CACNA1A: variants seen among roughly 807,000 people sequenced by gnomAD.
CACNA1A encodes calcium voltage-gated channel subunit alpha1 A.
A neutral mutation model predicts 262.4 loss-of-function variants in CACNA1A; 57 were observed. The observed-to-expected ratio is 0.22, with a 90% CI of 0.18 to 0.27. The LOEUF (loss-of-function observed/expected upper bound fraction) is 0.27, where lower values mean the gene tolerates loss of function less well. CACNA1A is among the 10% of genes least tolerant of loss of function. The pLI, the probability that CACNA1A is intolerant of heterozygous loss-of-function variation, is 1.00. For missense variants in CACNA1A, 2,526 were observed against 3,562.8 expected (o/e 0.71, Z 7.41); for synonymous variants, 1,431 against 1,419.3 (o/e 1.01, Z -0.18).
intron 1 of CACNA1A, among the ~76,000 whole-genome samples, chr19:13,480,372 A>G (rs1979129759): frequency 6.6e-6 from 1 of 152,110 alleles, no homozygotes; most frequent in Non-Finnish European, 1.5e-5. Flanking sequence ...CTTCCTTATG[A>G]TTTTCTTAAA....
intron 1 of CACNA1A, among the ~76,000 whole-genome samples, chr19:13,499,471 C>G (rs1427905681): frequency 1.3e-5 from 2 of 150,638 alleles, no homozygotes; most frequent in Non-Finnish European, 2.9e-5. Flanking sequence ...ACTTCGCTCC[C>G]ATTCCCACCC....
intron 38 of CACNA1A, among the ~76,000 whole-genome samples, chr19:13,219,558 G>C (rs2055143053): frequency 6.6e-6 from 1 of 152,092 alleles, no homozygotes. Flanking sequence ...AAGGAACTGT[G>C]GTAGGCAGAA....
At chr19:13,499,568 T>G (rs1982122942) in intron 1 of CACNA1A, among the ~76,000 whole-genome samples, 2 of 151,576 alleles carry the variant, frequency 1.3e-5, no homozygotes, top group South Asian at 4.2e-4. Context: ...CGTTTTGGGG[T>G]TTTTCTCTGT....
At chr19:13,359,229 G>A (rs1041691139) in intron 6 of CACNA1A, among the ~76,000 whole-genome samples, 1 of 152,168 alleles carries the variant, frequency 6.6e-6, no homozygotes, top group South Asian at 2.1e-4. Context: ...GAGAAGGACT[G>A]GGTGAGCCTC....
rs1443436958 is a variant in CACNA1A, at chr19:13,286,690, G to A, written c.3366C>T (p.Arg1122=). 2.5e-6 allele frequency: 4 copies of A among 1,575,162 alleles called. No individual in the cohort carries two copies. Among genetic ancestry groups the A allele is most frequent in the Non-Finnish European group, 3.4e-6 (4 of 1,159,722 alleles). Residue 1122 remains arginine, a synonymous_variant, in exon 20 of 47, where the codon CGC becomes CGT. Transcript: ENST00000360228. ...GGTTCCCCGGGTTGTTGGGCGTCCG[G>A]CGGCTGGCGGCGTTCTGGGGGTTGG... ...MATNPQNAAS[R]RTPNNPGNPS...
At chr19:13,471,453 C>T (rs1276999121) in intron 1 of CACNA1A, among the ~76,000 whole-genome samples, 2 of 152,094 alleles carry the variant, frequency 1.3e-5, no homozygotes, top group Non-Finnish European at 2.9e-5. Flanking sequence ...CATCTTCCTC[C>T]CCCTACAGCT....
At position 13,209,477 on chromosome 19, in the gene CACNA1A, T is replaced by C; in HGVS notation, c.6361A>G (p.Met2121Val). The change falls in exon 45 of 47, where the codon ATG becomes GTG. Residue 2121 changes from methionine (M) to valine (V), a missense_variant. Coordinates refer to ENST00000360228, the MANE Select transcript of CACNA1A (RefSeq NM_001127222.2). ...NLSTISDTSP[M>V]KRSASVLGPK... ...CCCAGCACGGAGGCTGAACGCTTCA[T>C]GGGGCTGGTGTCTGAGATGGTCTGG... 7.5e-7 allele frequency: 1 copy of C among 1,333,670 alleles called. No homozygotes were observed. The highest frequency in any genetic ancestry group is 9.7e-7 in the Non-Finnish European group (1 of 1,035,792). 82.6% of individuals were successfully genotyped at this position (1,333,670 alleles called of 1,614,324 possible).
At chr19:13,459,897 C>T (rs996939079) in intron 1 of CACNA1A, among the ~76,000 whole-genome samples, 2 of 152,182 alleles carry the variant, frequency 1.3e-5, no homozygotes, top group African/African-American at 2.4e-5. Context: ...TTCAACTGGC[C>T]AGTGTTGCCT....
chr19:13,395,620 GAA>G (rs149394654), intron 3 of CACNA1A, among the ~76,000 whole-genome samples: 2 of 121,770 alleles, frequency 1.6e-5, no homozygotes, highest in Non-Finnish European at 3.8e-5. Flanking sequence ...TCAAAAAAAA[GAA>G]AAAAAAAAAA....
At chr19:13,457,853 CAAAAAAAA>C (rs775895393) in intron 1 of CACNA1A, among the ~76,000 whole-genome samples, 2 of 58,692 alleles carry the variant, frequency 3.4e-5, no homozygotes, top group South Asian at 5.9e-4. Flanking sequence ...AACTCCGTTT[CAAAAAAAA>C]AAAAAAAAAA....
intron 3 of CACNA1A, among the ~76,000 whole-genome samples, chr19:13,431,072 A>C (rs951657097): frequency 2.6e-5 from 4 of 151,900 alleles, no homozygotes; most frequent in African/African-American, 9.7e-5. Flanking sequence ...GGGGGATCAC[A>C]GGGGCAGAGT....
At chr19:13,257,287 G>C in intron 28 of CACNA1A, 63 bp downstream of exon 28, 2 of 1,362,202 alleles carry the variant, frequency 1.5e-6, no homozygotes, top group Non-Finnish European at 2.1e-6. Context: ...TGGGTGTTGT[G>C]TGTGTTTTAA....
intron 3 of CACNA1A, among the ~76,000 whole-genome samples, chr19:13,449,672 A>T (rs1896720090): frequency 1.3e-5 from 2 of 152,196 alleles, no homozygotes; most frequent in East Asian, 1.9e-4. Context: ...GATGCTATTT[A>T]AAAAATATTT....
chr19:13,443,923 A>G (rs898885972), intron 3 of CACNA1A, among the ~76,000 whole-genome samples: 3 of 151,956 alleles, frequency 2.0e-5, no homozygotes, highest in Non-Finnish European at 4.4e-5. Flanking sequence ...GCGAGGCTCA[A>G]TGTGATAATA....
At chr19:13,227,902 CCTTTT>C (rs1304737892) in intron 36 of CACNA1A, among the ~76,000 whole-genome samples, 1 of 81,714 alleles carries the variant, frequency 1.2e-5, no homozygotes, top group Non-Finnish European at 2.2e-5. Context: ...TTGTTCATTG[CCTTTT>C]TTTTTTTTTT....
intron 1 of CACNA1A, among the ~76,000 whole-genome samples, chr19:13,497,232 A>G (rs1981639322): frequency 6.6e-6 from 1 of 151,906 alleles, no homozygotes; most frequent in African/African-American, 2.4e-5. Context: ...ATGCTGATGA[A>G]TCTCAGCTGA....
intron 10 of CACNA1A, among the ~76,000 whole-genome samples, chr19:13,318,890 C>CTTTTT (rs751530649): frequency 9.6e-5 from 11 of 114,680 alleles, no homozygotes; most frequent in African/African-American, 1.8e-4. Flanking sequence ...TAAAATACAT[C>CTTTTT]TTTTTTTTTT....
chr19:13,298,510 G>A lies in CACNA1A; in HGVS notation c.3089+34C>T, dbSNP rs185690935. 341 of 1,503,716 alleles carry A rather than the reference G, an allele frequency of 2.3e-4. 1 individual carries two copies. The African/African-American group carries it at 4.5e-3, about 20-fold the overall frequency. 93.1% of individuals were successfully genotyped at this position (1,503,716 alleles called of 1,614,324 possible). On this transcript the variant is annotated intron_variant, in intron 19 of 46. Coordinates refer to ENST00000360228, the MANE Select transcript of CACNA1A (RefSeq NM_001127222.2). Reference sequence around the variant, plus strand: ...GGCTGTTGTCATTATTAATGTTACCGTCATTCTGCGGATTCGAGGTCACCT... The same window carrying A: ...GGCTGTTGTCATTATTAATGTTACCATCATTCTGCGGATTCGAGGTCACCT...
chr19:13,297,022 A>G (rs921728461), intron 19 of CACNA1A, among the ~76,000 whole-genome samples: 11 of 152,308 alleles, frequency 7.2e-5, no homozygotes, highest in African/African-American at 2.6e-4. Context: ...GCCTCCCAAC[A>G]GAGTGGCTTT....
Sources: gnomAD v4.1 joint callset for allele counts (sites outside exome capture counted in the v4.1 genomes callset) on GRCh38, gnomAD v4.1.1 for gene constraint, MANE v1.5 for transcripts, NCBI Gene and HGNC (gene_info 2026-07-23, HGNC 2026-07-21) for gene names.